The following TMC1 variants were observed in gnomAD, a reference collection of about 807,000 sequenced individuals.
TMC1 encodes the protein transmembrane channel like 1.
In TMC1, 84 loss-of-function variants were observed where a neutral mutation model predicts 105.8. The ratio of observed to expected loss-of-function variants is 0.79; its 90% CI spans 0.67 to 0.95. TMC1 has a LOEUF of 0.95. Among genes scored for constraint, TMC1 ranks in the 40% least tolerant of loss-of-function variants. TMC1 has a pLI of 0.00. For missense variants in TMC1, 817 were observed against 914.1 expected, an observed-to-expected ratio of 0.89 and a Z score of 1.37; for synonymous variants, 315 against 311.5, an observed-to-expected ratio of 1.01 and a Z score of -0.12.
chr9:72,777,449 G>T (rs1828024077), intron 13 of TMC1, among the ~76,000 whole-genome samples: 1 of 152,096 alleles, frequency 6.6e-6, no homozygotes, highest in African/African-American at 2.4e-5. Context: ...ATGTAATGAT[G>T]AATTTCAGAC....
chr9:72,534,686 AG>A (rs1259415855), intron 1 of TMC1, among the ~76,000 whole-genome samples: 5 of 152,232 alleles, frequency 3.3e-5, no homozygotes, highest in Non-Finnish European at 5.9e-5. Context: ...AGTTCCTGTG[AG>A]AATGTCCAGT....
At chr9:72,797,786 A>G (rs779112050) in intron 17 of TMC1, among the ~76,000 whole-genome samples, 96 of 152,346 alleles carry the variant, frequency 6.3e-4, no homozygotes, top group Non-Finnish European at 9.7e-4. Flanking sequence ...TCTAGGCAAT[A>G]TCATTCAGGA....
At chr9:72,548,234 A>G (rs1405586867) in intron 1 of TMC1, among the ~76,000 whole-genome samples, 1 of 152,196 alleles carries the variant, frequency 6.6e-6, no homozygotes, top group African/African-American at 2.4e-5. Context: ...ATTAAAGGAT[A>G]AGTAAAAAGA....
At chr9:72,539,980 C>A (rs1468501855) in intron 1 of TMC1, among the ~76,000 whole-genome samples, 1 of 152,112 alleles carries the variant, frequency 6.6e-6, no homozygotes, top group Non-Finnish European at 1.5e-5. Context: ...CCTCCATGTG[C>A]AGAGATCACA....
intron 1 of TMC1, among the ~76,000 whole-genome samples, chr9:72,524,230 A>T (rs970849152): frequency 4.6e-5 from 7 of 152,216 alleles, no homozygotes; most frequent in Non-Finnish European, 1.5e-5. Flanking sequence ...GAAAATAGAG[A>T]AAGAAAATAG....
At chr9:72,825,747 A>G (rs1050219009) in intron 20 of TMC1, among the ~76,000 whole-genome samples, 4 of 152,206 alleles carry the variant, frequency 2.6e-5, no homozygotes, top group Non-Finnish European at 5.9e-5. Context: ...ATGGTGAAAA[A>G]TAAAACATAT....
intron 5 of TMC1, among the ~76,000 whole-genome samples, chr9:72,687,015 T>C (rs1021984388): frequency 6.6e-6 from 1 of 152,216 alleles, no homozygotes; most frequent in African/African-American, 2.4e-5. Flanking sequence ...TTGTTGCTTA[T>C]CTCTTTAGCT....
chr9:72,547,350 C>T (rs1484637865), intron 1 of TMC1, among the ~76,000 whole-genome samples: 1 of 148,318 alleles, frequency 6.7e-6, no homozygotes, highest in Non-Finnish European at 1.5e-5. Context: ...CCTCAACCCC[C>T]CTAAAAAAAA....
intron 4 of TMC1, among the ~76,000 whole-genome samples, chr9:72,631,330 C>T (rs11143353): frequency 6.6e-6 from 1 of 152,006 alleles, no homozygotes; most frequent in East Asian, 1.9e-4. Flanking sequence ...TATAGAGTCT[C>T]GTTTTATTTT....
chr9:72,614,473 GATC>G (rs1266445900), intron 2 of TMC1, among the ~76,000 whole-genome samples: 1 of 152,134 alleles, frequency 6.6e-6, no homozygotes, highest in Non-Finnish European at 1.5e-5. Context: ...GCAAAAATCA[GATC>G]ATCAACTGCT....
intron 1 of TMC1, among the ~76,000 whole-genome samples, chr9:72,536,814 C>A (rs1823593405): frequency 6.6e-6 from 1 of 152,140 alleles, no homozygotes; most frequent in African/African-American, 2.4e-5. Context: ...TTTCAGGCTG[C>A]AGTTGTATGT....
chr9:72,760,275 C>T (rs1827735522), intron 12 of TMC1, among the ~76,000 whole-genome samples: 1 of 152,088 alleles, frequency 6.6e-6, no homozygotes, highest in Non-Finnish European at 1.5e-5. Context: ...ACAATGACTT[C>T]ATAGAGGTGC....
At chr9:72,591,213 C>G (rs982022019) in intron 2 of TMC1, among the ~76,000 whole-genome samples, 1 of 152,020 alleles carries the variant, frequency 6.6e-6, no homozygotes, top group Non-Finnish European at 1.5e-5. Flanking sequence ...AGAGGTGGCA[C>G]CTCTACTTAA....
intron 23 of TMC1, 33 bp from the exon 24 acceptor site, chr9:72,835,918 T>A: frequency 8.3e-7 from 1 of 1,203,274 alleles, no homozygotes. Context: ...TCTCCTTGTT[T>A]TTTTTTTTTT....
At chr9:72,735,135 A>G (rs1226210104) in intron 8 of TMC1, among the ~76,000 whole-genome samples, 1 of 152,220 alleles carries the variant, frequency 6.6e-6, no homozygotes, top group Non-Finnish European at 1.5e-5. Context: ...TCAATTATTT[A>G]TCAATGAGTC....
At chr9:72,679,242 G>A (rs1826252021) in intron 5 of TMC1, among the ~76,000 whole-genome samples, 1 of 152,016 alleles carries the variant, frequency 6.6e-6, no homozygotes, top group Non-Finnish European at 1.5e-5. Context: ...ATCTCACTGA[G>A]TTCAGCATAA....
Position 72,831,432 on chromosome 9 carries a change from T to C in TMC1, c.2260+750T>C, listed in dbSNP as rs528853778. Among the ~76,000 whole-genome samples the C allele has an allele frequency of 5.9e-5, 9 of 151,318 alleles. No individual in the cohort carries two copies. The South Asian group carries it at 1.9e-3, about 31-fold the overall frequency. On this transcript the variant is annotated intron_variant, in intron 23 of 23. Transcript: ENST00000297784. ...GCTTCAGGCCACTTTCTTTTTTCTA[T>C]ATATATATATATTTTTTAATTATAC... is the stretch of plus-strand genomic sequence containing the variant.
rs150272118 is a variant in TMC1, at chr9:72,641,485, T to A, written c.-52-7112T>A. 4.5e-3 allele frequency among the ~76,000 whole-genome samples: 679 copies of A among 152,354 alleles called. 4 individuals are homozygous for A. The highest frequency in any genetic ancestry group is 0.016 in the African/African-American group (652 of 41,580). ...CCAGTAGAAAAAGCTCAATAATGGG[T>A]CTACAAACTCCTGGATTTAGTCCAG... On this transcript the variant is annotated intron_variant, in intron 4 of 23. Coordinates refer to ENST00000297784, the MANE Select transcript of TMC1 (RefSeq NM_138691.3).
intron 18 of TMC1, among the ~76,000 whole-genome samples, chr9:72,808,608 A>G (rs969021757): frequency 5.9e-5 from 9 of 152,332 alleles, no homozygotes; most frequent in African/African-American, 2.2e-4. Context: ...AGCAGGCAGC[A>G]TGTGTTGGCT....
Sources: gnomAD v4.1 joint callset for allele counts (sites outside exome capture counted in the v4.1 genomes callset) on GRCh38, gnomAD v4.1.1 for gene constraint, MANE v1.5 for transcripts, NCBI Gene and HGNC (gene_info 2026-07-23, HGNC 2026-07-21) for gene names.